Variants in ZNF529 observed in about 807,000 individuals in gnomAD.
The protein encoded by ZNF529 is zinc finger protein 529.
A neutral mutation model predicts 10.1 loss-of-function variants in ZNF529; 11 were observed. The ratio of observed to expected loss-of-function variants is 1.09; its 90% confidence interval spans 0.69 to 1.81. ZNF529 has a LOEUF of 1.81. ZNF529 is among the 40% of genes most tolerant of loss of function. The pLI is 0.00. For missense variants in ZNF529, 624 were observed against 666.8 expected (o/e 0.94, Z 0.71); for synonymous variants, 204 against 215.7 (o/e 0.95, Z 0.47).
At chr19:36,548,433 T>A in intron 4 of ZNF529, 111 bp from the exon 5 acceptor site, 1 of 1,044,366 alleles carries the variant, frequency 9.6e-7, no homozygotes, top group East Asian at 2.6e-5. Flanking sequence ...TAAAATACTG[T>A]CATGAAAGAT....
At chr19:36,592,300 A>G (rs1323647838) in intron 1 of ZNF529, among the ~76,000 whole-genome samples, 4 of 149,268 alleles carry the variant, frequency 2.7e-5, no homozygotes, top group East Asian at 2.0e-4. Flanking sequence ...AAAAAAAAAA[A>G]AAAAAAAGAA....
rs1449922947 is a variant in ZNF529 at position 36,546,997 on chromosome 19, A to G, written c.1561T>C (p.Phe521Leu). Residue 521 changes from phenylalanine to leucine, a missense_variant, in exon 5 of 5, where the codon TTT becomes CTT. Transcript: ENST00000591340. ...CGKAFRHSSS[F>L]TKHQRIHTDD... ...GTATGAATGCGCTGATGTTTGGTAA[A>G]GGATGAACTATGTCTAAAGGCCTTC... 3 of 1,613,494 alleles carry G rather than the reference A, an allele frequency of 1.9e-6. No homozygotes were observed. The highest frequency in any genetic ancestry group is 2.5e-6 in the Non-Finnish European group (3 of 1,179,856).
intron 2 of ZNF529, among the ~76,000 whole-genome samples, chr19:36,569,521 T>TA (rs999223646): frequency 6.6e-5 from 10 of 152,026 alleles, no homozygotes; most frequent in African/African-American, 1.9e-4. Context: ...TCCCAGCACT[T>TA]AGAGAGGCTG....
chr19:36,544,516 C>CA lies in ZNF529; in HGVS notation c.*2349dup, dbSNP rs1187368638. On this transcript the variant is annotated 3_prime_UTR_variant, in exon 5 of 5. Transcript: ENST00000591340. ...ACAAGTTCTCCTGGAGAACTATACC[C>CA]AAAAGAGGAACATTAGCACTGATGG... 6.6e-6 allele frequency: 1 copy of CA among 151,912 alleles called. No homozygotes were observed. Among genetic ancestry groups the CA allele is most frequent in the Admixed American group, 6.6e-5 (1 of 15,248 alleles). 9.4% of individuals were successfully genotyped at this position (151,912 alleles called of 1,614,324 possible). A position where few individuals can be genotyped will look rare whatever the true frequency, so the allele number is the denominator to read the frequency against.
chr19:36,568,552 AC>A (rs2035983771), intron 2 of ZNF529, among the ~76,000 whole-genome samples: 1 of 151,130 alleles, frequency 6.6e-6, no homozygotes, highest in African/African-American at 2.4e-5. Context: ...GCTCACTGCA[AC>A]CTCTGCCTCC....
chr19:36,567,456 TGA>T (rs1289249678), intron 2 of ZNF529, among the ~76,000 whole-genome samples: 1 of 151,986 alleles, frequency 6.6e-6, no homozygotes, highest in Non-Finnish European at 1.5e-5. Context: ...CTTTTTTTTT[TGA>T]GATGGAGTCT....
At chr19:36,600,223 AT>A (rs2036902143) in intron 1 of ZNF529, among the ~76,000 whole-genome samples, 1 of 152,172 alleles carries the variant, frequency 6.6e-6, no homozygotes, top group South Asian at 2.1e-4. Flanking sequence ...CATTTCCAAT[AT>A]TAAGATTTTT....
At chr19:36,564,156 TAGA>T (rs2035813471) in intron 2 of ZNF529, among the ~76,000 whole-genome samples, 1 of 152,140 alleles carries the variant, frequency 6.6e-6, no homozygotes, top group African/African-American at 2.4e-5. Flanking sequence ...CTAAAAATCC[TAGA>T]AGAAAACCTA....
At chr19:36,561,013 A>G (rs2035670755) in intron 2 of ZNF529, among the ~76,000 whole-genome samples, 1 of 152,208 alleles carries the variant, frequency 6.6e-6, no homozygotes, top group Non-Finnish European at 1.5e-5. Flanking sequence ...GTGTGGCTAG[A>G]AAGAAGCCAG....
chr19:36,579,007 C>T (rs1357561095), intron 2 of ZNF529, among the ~76,000 whole-genome samples: 2 of 151,756 alleles, frequency 1.3e-5, no homozygotes, highest in African/African-American at 2.4e-5. Context: ...GTCAGGAGTT[C>T]GAGACCAGCC....
At chr19:36,598,571 G>T (rs1439252188) in intron 1 of ZNF529, among the ~76,000 whole-genome samples, 2 of 151,906 alleles carry the variant, frequency 1.3e-5, no homozygotes, top group Admixed American at 1.3e-4. Context: ...CAAAAGATGT[G>T]ATTAAAACTT....
chr19:36,571,013 G>T (rs1411892762), intron 2 of ZNF529, among the ~76,000 whole-genome samples: 1 of 152,126 alleles, frequency 6.6e-6, no homozygotes, highest in Non-Finnish European at 1.5e-5. Context: ...CCTTTGAAAT[G>T]CAGTGTGAAC....
At chr19:36,562,276 C>G (rs1175567781) in intron 2 of ZNF529, among the ~76,000 whole-genome samples, 3 of 151,906 alleles carry the variant, frequency 2.0e-5, no homozygotes, top group African/African-American at 7.3e-5. Flanking sequence ...CTTGGAAGCA[C>G]GTAACTAGTT....
intron 2 of ZNF529, among the ~76,000 whole-genome samples, chr19:36,562,453 T>C (rs2035738834): frequency 6.6e-6 from 1 of 151,604 alleles, no homozygotes; most frequent in African/African-American, 2.4e-5. Flanking sequence ...ATTTTGTACA[T>C]GAGAAAGACA....
Position 36,547,249 on chromosome 19 carries a change from G to A in ZNF529, c.1309C>T (p.Leu437Phe). The A allele has an allele frequency of 1.9e-6, 3 of 1,613,740 alleles. No individual in the cohort carries two copies. Among genetic ancestry groups the A allele is most frequent in the Non-Finnish European group, 2.5e-6 (3 of 1,179,810 alleles). ...CTGTGAATTCTTTCATGTCGAGTAA[G>A]TTCACTACCTACTCCAAATGCTTTC... ...CEKAFGVGSELTRHERIHSGQ... is the reference protein window; with the variant it reads ...CEKAFGVGSEFTRHERIHSGQ... The change falls in exon 5 of 5, where the codon CTT (leucine) becomes TTT (phenylalanine). Residue 437 changes from leucine (L) to phenylalanine (F), a missense_variant. Coordinates refer to ENST00000591340, the MANE Select transcript of ZNF529 (RefSeq NM_020951.5).
chr19:36,605,109 G>A (rs929809838), intron 1 of ZNF529: 3 of 152,514 alleles, frequency 2.0e-5, no homozygotes, highest in African/African-American at 7.2e-5. Flanking sequence ...ATCCAGACCC[G>A]GGTCACCTCA....
intron 2 of ZNF529, among the ~76,000 whole-genome samples, chr19:36,565,339 T>C (rs2035855843): frequency 6.6e-6 from 1 of 151,992 alleles, no homozygotes; most frequent in Non-Finnish European, 1.5e-5. Context: ...CATGCCATAA[T>C]AGAAAAGCTA....
intron 2 of ZNF529, among the ~76,000 whole-genome samples, chr19:36,570,683 ACAGT>A (rs2036072730): frequency 1.3e-5 from 2 of 152,238 alleles, no homozygotes; most frequent in Non-Finnish European, 2.9e-5. Context: ...TGAACCTAAG[ACAGT>A]CAAATTGCCT....
At chr19:36,570,360 C>CAAAAAAAAAAAAAAAAAAAAAAAAAAA (rs58429405) in intron 2 of ZNF529, among the ~76,000 whole-genome samples, 5 of 70,556 alleles carry the variant, frequency 7.1e-5, no homozygotes, top group South Asian at 4.7e-4. Context: ...GACCCTATCT[C>CAAAAAAAAAAAAAAAAAAAAAAAAAAA]AAAAAAAAAA....
Sources: allele counts gnomAD v4.1 joint callset (sites outside exome capture counted in the v4.1 genomes callset), GRCh38; gene constraint gnomAD v4.1.1; transcripts MANE v1.5; gene names NCBI Gene and HGNC (gene_info 2026-07-23, HGNC 2026-07-21).